The following PDE4B variants were observed in gnomAD, a reference collection of about 807,000 sequenced individuals.
The protein encoded by PDE4B is 3',5'-cyclic-AMP phosphodiesterase 4B.
A neutral mutation model predicts 82.2 loss-of-function variants in PDE4B; 20 were observed. The ratio of observed to expected loss-of-function variants is 0.24; its 90% CI spans 0.17 to 0.35. The LOEUF is 0.35. PDE4B is among the 10% of genes least tolerant of loss of function. The pLI, the probability that PDE4B is intolerant of heterozygous loss-of-function variation, is 1.00. For missense variants in PDE4B, 655 were observed against 907.2 expected, an observed-to-expected ratio of 0.72 and a Z score of 3.57; for synonymous variants, 320 against 318.9, an observed-to-expected ratio of 1.00 and a Z score of -0.04.
At chr1:66,097,748 T>C (rs562134921) in intron 3 of PDE4B, among the ~76,000 whole-genome samples, 1 of 152,122 alleles carries the variant, frequency 6.6e-6, no homozygotes, top group Non-Finnish European at 1.5e-5. Context: ...AATTCTATTA[T>C]ATCTGTTATT....
chr1:66,018,235 G>A (rs911827856), intron 3 of PDE4B, among the ~76,000 whole-genome samples: 1 of 152,024 alleles, frequency 6.6e-6, no homozygotes, highest in Non-Finnish European at 1.5e-5. Flanking sequence ...GGCTAACACC[G>A]TGAAACCCCG....
At chr1:66,157,096 A>C (rs570594485) in intron 3 of PDE4B, among the ~76,000 whole-genome samples, 5 of 152,258 alleles carry the variant, frequency 3.3e-5, no homozygotes, top group Admixed American at 6.5e-5. Flanking sequence ...ACCCTGGAGG[A>C]CCCTGCTGTA....
chr1:66,249,587 T>C (rs1653591560), intron 4 of PDE4B, among the ~76,000 whole-genome samples: 1 of 152,178 alleles, frequency 6.6e-6, no homozygotes, highest in African/African-American at 2.4e-5. Flanking sequence ...GGTGTAGTTC[T>C]AAATGACACC....
At chr1:65,795,754 A>G (rs569764950) in intron 1 of PDE4B, among the ~76,000 whole-genome samples, 1 of 152,342 alleles carries the variant, frequency 6.6e-6, no homozygotes, top group African/African-American at 2.4e-5. Flanking sequence ...TTGCAGCTCT[A>G]CTTCTCTCTT....
At chr1:65,885,129 A>G (rs1432593124) in intron 1 of PDE4B, among the ~76,000 whole-genome samples, 4 of 152,376 alleles carry the variant, frequency 2.6e-5, no homozygotes, top group Admixed American at 6.5e-5. Flanking sequence ...ATCACTGGCC[A>G]TCAGAGAAAT....
chr1:65,824,652 TATAC>T (rs1304028145), intron 1 of PDE4B, among the ~76,000 whole-genome samples: 11 of 149,942 alleles, frequency 7.3e-5, no homozygotes, highest in Admixed American at 6.7e-4. Context: ...TATACAAATA[TATAC>T]ATACATATAT....
chr1:66,132,520 T>G (rs957240447), intron 3 of PDE4B, among the ~76,000 whole-genome samples: 3 of 152,174 alleles, frequency 2.0e-5, no homozygotes, highest in Non-Finnish European at 4.4e-5. Flanking sequence ...TTATACTGAC[T>G]TTTCTCTGAT....
At chr1:66,176,616 C>T (rs1425416895) in intron 3 of PDE4B, among the ~76,000 whole-genome samples, 1 of 152,134 alleles carries the variant, frequency 6.6e-6, no homozygotes, top group Non-Finnish European at 1.5e-5. Context: ...TCTATCAAGG[C>T]TATTTGTATC....
chr1:66,263,575 T>C (rs770769417), intron 6 of PDE4B, among the ~76,000 whole-genome samples: 95 of 152,180 alleles, frequency 6.2e-4, no homozygotes, highest in Non-Finnish European at 1.2e-3. Flanking sequence ...CTGAAGAGTA[T>C]GTAAGCAAAG....
chr1:65,921,923 A>C (rs1292007930), intron 3 of PDE4B, among the ~76,000 whole-genome samples: 1 of 152,270 alleles, frequency 6.6e-6, no homozygotes. Flanking sequence ...AGATCAAGCC[A>C]TCAAAGACAG....
intron 3 of PDE4B, among the ~76,000 whole-genome samples, chr1:65,994,221 A>G (rs760732130): frequency 6.6e-6 from 1 of 152,170 alleles, no homozygotes; most frequent in Non-Finnish European, 1.5e-5. Flanking sequence ...CTTATCTAAA[A>G]TGTTTGTCTG....
In PDE4B at chr1:66,042,487, C is replaced by T. The variant is rs1045465590; in HGVS notation, c.281+123652C>T. On this transcript the variant is annotated intron_variant, in intron 3 of 16. Transcript: ENST00000341517. ...CATACATAATGGCAGTAATTATGTT[C>T]GTGTGTCTGAAATACATTTTTGAAT... 9 of 151,730 alleles carry T rather than the reference C, an allele frequency of 5.9e-5. No individual in the cohort carries two copies. The South Asian group carries it at 8.3e-4, about 14-fold the overall frequency. 9.4% of individuals were successfully genotyped at this position (151,730 alleles called of 1,614,324 possible). A position where few individuals can be genotyped will look rare whatever the true frequency, so the allele number is the denominator to read the frequency against.
chr1:66,106,527 T>C lies in PDE4B; in HGVS notation c.282-140933T>C, dbSNP rs1390516958. Among the ~76,000 whole-genome samples, 5 of 150,630 alleles carry C rather than the reference T, an allele frequency of 3.3e-5. No homozygotes were observed. The East Asian group carries it at 5.9e-4, about 18-fold the overall frequency. On this transcript the variant is annotated intron_variant, in intron 3 of 16. Coordinates refer to ENST00000341517, the MANE Select transcript of PDE4B (RefSeq NM_002600.4). ...CAGAAGGAATCATACCAGTTCCACC[T>C]TGTACCTCTGGTAGAATTCGGCTGT... is the stretch of plus-strand genomic sequence containing the variant.
rs1439559539 is a variant in PDE4B at position 66,309,468 on chromosome 1, A to C, written c.635-23040A>C. Among the ~76,000 whole-genome samples, 18 of 152,370 alleles carry C rather than the reference A, an allele frequency of 1.2e-4. 1 individual carries two copies. On this transcript the variant is annotated intron_variant, in intron 7 of 16. Transcript: ENST00000341517. ...CGTGGTATATAAGACAGTACTTTCCAAATTGTAAGACAAGAATATGGTATG... is the reference window on the plus strand; with the variant it reads ...CGTGGTATATAAGACAGTACTTTCCCAATTGTAAGACAAGAATATGGTATG...
At chr1:66,008,270 C>T (rs188828624) in intron 3 of PDE4B, among the ~76,000 whole-genome samples, 72 of 152,220 alleles carry the variant, frequency 4.7e-4, no homozygotes, top group Admixed American at 2.6e-3. Flanking sequence ...GGAACATAGA[C>T]GATGGGCTGA....
chr1:66,017,837 A>T (rs541510508), intron 3 of PDE4B, among the ~76,000 whole-genome samples: 55 of 151,010 alleles, frequency 3.6e-4, no homozygotes, highest in Non-Finnish European at 5.8e-4. Flanking sequence ...ATTTTTAAAA[A>T]ATATATATAT....
At chr1:66,068,278 A>G (rs1359340541) in intron 3 of PDE4B, among the ~76,000 whole-genome samples, 1 of 151,932 alleles carries the variant, frequency 6.6e-6, no homozygotes, top group African/African-American at 2.4e-5. Flanking sequence ...CCAGGGATAC[A>G]GAGAAAGAGT....
At chr1:65,926,102 T>G (rs948580380) in intron 3 of PDE4B, among the ~76,000 whole-genome samples, 4 of 152,176 alleles carry the variant, frequency 2.6e-5, no homozygotes, top group African/African-American at 9.7e-5. Flanking sequence ...AGTTCCCCCT[T>G]GACCCTCAAG....
At chr1:66,309,278 G>C (rs1181431866) in intron 7 of PDE4B, among the ~76,000 whole-genome samples, 1 of 152,164 alleles carries the variant, frequency 6.6e-6, no homozygotes, top group Non-Finnish European at 1.5e-5. Context: ...TCTAAAAAAT[G>C]ATGTTCCAGA....
Sources: gnomAD v4.1 joint callset for allele counts (sites outside exome capture counted in the v4.1 genomes callset) on GRCh38, gnomAD v4.1.1 for gene constraint, MANE v1.5 for transcripts, NCBI Gene and HGNC (gene_info 2026-07-23, HGNC 2026-07-21) for gene names.